Variants in TAOK1 observed in about 807,000 individuals in gnomAD.
TAOK1 encodes the protein serine/threonine-protein kinase TAO1.
TAOK1 carries 21 observed loss-of-function variants against 138.3 expected under a neutral mutation model. The observed-to-expected ratio is 0.15, with a 90% CI of 0.11 to 0.22. TAOK1 has a LOEUF of 0.22. Among genes scored for constraint, TAOK1 ranks in the 10% least tolerant of loss-of-function variants. TAOK1 has a pLI of 1.00. For missense variants in TAOK1, 651 were observed against 1,227.7 expected (o/e 0.53, Z 7.02); for synonymous variants, 361 against 398.4 (o/e 0.91, Z 1.12).
At chr17:29,526,298 A>C (rs1230061528) in intron 17 of TAOK1, among the ~76,000 whole-genome samples, 3 of 152,136 alleles carry the variant, frequency 2.0e-5, no homozygotes, top group African/African-American at 2.4e-5. Flanking sequence ...CAAATAAATA[A>C]ATAAAAATAA....
intron 1 of TAOK1, among the ~76,000 whole-genome samples, chr17:29,397,654 ATT>A (rs1275968367): frequency 4.3e-5 from 6 of 138,938 alleles, no homozygotes; most frequent in South Asian, 2.4e-4. Flanking sequence ...ATATATGTAT[ATT>A]CATGTATGAT....
intron 1 of TAOK1, among the ~76,000 whole-genome samples, chr17:29,449,267 A>G (rs144351237): frequency 2.6e-5 from 4 of 152,262 alleles, no homozygotes; most frequent in East Asian, 1.9e-4. Context: ...TGACTTTGCT[A>G]TGGTCACATA....
At chr17:29,506,473 G>A (rs2031631136) in intron 13 of TAOK1, among the ~76,000 whole-genome samples, 1 of 152,168 alleles carries the variant, frequency 6.6e-6, no homozygotes, top group African/African-American at 2.4e-5. Context: ...TTTAGGGAGA[G>A]AGAGAAATGG....
intron 1 of TAOK1, among the ~76,000 whole-genome samples, chr17:29,404,300 C>CT (rs1181060054): frequency 6.6e-6 from 1 of 151,974 alleles, no homozygotes; most frequent in Non-Finnish European, 1.5e-5. Context: ...GTAGCTAGGA[C>CT]TACAGCCCTG....
At chr17:29,422,273 G>A (rs892370942) in intron 1 of TAOK1, among the ~76,000 whole-genome samples, 2 of 151,232 alleles carry the variant, frequency 1.3e-5, no homozygotes, top group Non-Finnish European at 2.9e-5. Flanking sequence ...GCGCAGTCTC[G>A]GCTCGCTGCC....
intron 1 of TAOK1, among the ~76,000 whole-genome samples, chr17:29,400,150 T>G (rs1301318599): frequency 6.6e-6 from 1 of 152,060 alleles, no homozygotes; most frequent in Non-Finnish European, 1.5e-5. Context: ...TCTCAGCACT[T>G]TGGGAGGCCG....
intron 17 of TAOK1, among the ~76,000 whole-genome samples, chr17:29,528,604 C>T (rs1049966755): frequency 6.6e-6 from 1 of 151,806 alleles, no homozygotes; most frequent in Non-Finnish European, 1.5e-5. Context: ...CTTTGGGAGG[C>T]CAAGGTGGGC....
intron 19 of TAOK1, 92 bp downstream of exon 19, chr17:29,534,392 T>C: frequency 8.4e-7 from 1 of 1,189,532 alleles, no homozygotes; most frequent in Admixed American, 3.7e-5. Context: ...AGAGGTCACA[T>C]TAGATTTCTT....
At chr17:29,478,208 C>CA in intron 5 of TAOK1, 43 bp from the exon 6 acceptor site, 3 of 1,460,222 alleles carry the variant, frequency 2.1e-6, no homozygotes, top group Non-Finnish European at 2.8e-6. Context: ...ATTTTTTTAA[C>CA]AAAAATGTTC....
At chr17:29,530,936 A>C (rs978524022) in intron 18 of TAOK1, among the ~76,000 whole-genome samples, 3 of 148,410 alleles carry the variant, frequency 2.0e-5, no homozygotes, top group African/African-American at 7.4e-5. Flanking sequence ...GGGAATAAAA[A>C]TGGTTGTGTT....
intron 15 of TAOK1, 127 bp from the exon 16 acceptor site, chr17:29,517,326 G>A (rs2031836086): frequency 1.2e-6 from 1 of 809,896 alleles, no homozygotes; most frequent in East Asian, 2.6e-5. Flanking sequence ...CGCCATGTTG[G>A]CCAGGCTAGT....
intron 10 of TAOK1, among the ~76,000 whole-genome samples, chr17:29,493,061 C>A (rs1233000746): frequency 6.6e-6 from 1 of 151,898 alleles, no homozygotes; most frequent in African/African-American, 2.4e-5. Context: ...AAAGCTTGAA[C>A]CCCAGGAGGC....
At chr17:29,438,727 G>A (rs1334894210) in intron 1 of TAOK1, among the ~76,000 whole-genome samples, 1 of 152,130 alleles carries the variant, frequency 6.6e-6, no homozygotes, top group African/African-American at 2.4e-5. Flanking sequence ...TCTAAAACAT[G>A]ATTAGAAGTA....
chr17:29,541,968 G>A (rs8081643), intron 19 of TAOK1, among the ~76,000 whole-genome samples: 3 of 151,638 alleles, frequency 2.0e-5, no homozygotes, highest in African/African-American at 2.4e-5. Flanking sequence ...TTCACCTCCC[G>A]GGTTCACACC....
At chr17:29,496,318 G>T (rs868715061) in intron 11 of TAOK1, among the ~76,000 whole-genome samples, 2 of 151,632 alleles carry the variant, frequency 1.3e-5, no homozygotes, top group East Asian at 1.9e-4. Context: ...GGGTTTCACC[G>T]CATTGGCCAG....
intron 8 of TAOK1, among the ~76,000 whole-genome samples, chr17:29,485,508 C>T (rs1326122474): frequency 7.2e-6 from 1 of 139,804 alleles, no homozygotes; most frequent in African/African-American, 2.5e-5. Context: ...CATGGTAACC[C>T]CACACCTGTA....
At chr17:29,523,544 C>T (rs983052507) in intron 17 of TAOK1, among the ~76,000 whole-genome samples, 1 of 152,120 alleles carries the variant, frequency 6.6e-6, no homozygotes, top group African/African-American at 2.4e-5. Context: ...CCTGCCACCA[C>T]GCCCGGCTAA....
chr17:29,529,297 T>A (rs2032064897), intron 17 of TAOK1, among the ~76,000 whole-genome samples: 1 of 152,108 alleles, frequency 6.6e-6, no homozygotes, highest in Non-Finnish European at 1.5e-5. Context: ...GAGAAAAAAT[T>A]TAATTTTCTA....
chr17:29,478,370 A>G, intron 6 of TAOK1, 23 bp downstream of exon 6: 1 of 1,502,090 alleles, frequency 6.7e-7, no homozygotes. Context: ...GAAATTATAT[A>G]TTGATAAGTA....
Sources: allele counts gnomAD v4.1 joint callset (sites outside exome capture counted in the v4.1 genomes callset), GRCh38; gene constraint gnomAD v4.1.1; transcripts MANE v1.5; gene names NCBI Gene and HGNC (gene_info 2026-07-23, HGNC 2026-07-21).